The following SRGAP1 variants were observed in gnomAD, a reference collection of about 807,000 sequenced individuals.
SRGAP1 encodes SLIT-ROBO Rho GTPase activating protein 1.
In SRGAP1, 43 loss-of-function variants were observed where a neutral mutation model predicts 121.9. That is an observed-to-expected ratio of 0.35 (90% CI 0.28 to 0.46). SRGAP1 has a LOEUF of 0.46. Among genes scored for constraint, SRGAP1 ranks in the 20% least tolerant of loss-of-function variants. The pLI is 1.00. For missense variants in SRGAP1, 1,102 were observed against 1,350.9 expected, an observed-to-expected ratio of 0.82 and a Z score of 2.89; for synonymous variants, 447 against 485.4, an observed-to-expected ratio of 0.92 and a Z score of 1.04.
chr12:63,949,359 T>C (rs1347512261), intron 1 of SRGAP1, among the ~76,000 whole-genome samples: 2 of 146,590 alleles, frequency 1.4e-5, no homozygotes, highest in East Asian at 2.0e-4. Context: ...TGTTGGTCTT[T>C]GAAAAACTTG....
Position 64,097,261 on chromosome 12 carries a change from G to A in SRGAP1, c.1699G>A (p.Asp567Asn), listed in dbSNP as rs762115143. Residue 567 changes from aspartate to asparagine, a missense_variant, in exon 15 of 22, where the codon GAC becomes AAC. Asp to Asn is a conservative substitution (Grantham distance 23, BLOSUM62 1). This residue lies in a region of SRGAP1 where 747 missense variants were observed against 929.4 expected (regional missense o/e 0.80). Coordinates refer to ENST00000355086, the MANE Select transcript of SRGAP1 (RefSeq NM_020762.4). ...FERGENPLAD[D>N]QSNHDINSVA... ...TTTAGGTGAAAATCCTTTGGCTGAT[G>A]ACCAGAGTAACCATGATATTAACTC... 3.1e-6 allele frequency: 5 copies of A among 1,588,434 alleles called. No homozygotes were observed. The highest frequency in any genetic ancestry group is 1.8e-5 in the Admixed American group (1 of 55,816).
At chr12:63,936,555 C>T (rs1057435079) in intron 1 of SRGAP1, among the ~76,000 whole-genome samples, 4 of 152,068 alleles carry the variant, frequency 2.6e-5, no homozygotes, top group East Asian at 1.9e-4. Context: ...ATATGACACC[C>T]GGAGCTGCTG....
intron 1 of SRGAP1, among the ~76,000 whole-genome samples, chr12:63,935,367 C>T (rs983538455): frequency 6.6e-6 from 1 of 151,952 alleles, no homozygotes; most frequent in African/African-American, 2.4e-5. Flanking sequence ...CTATTTTTTT[C>T]AAATAACCAC....
At chr12:63,972,655 A>G (rs2032989458) in intron 1 of SRGAP1, among the ~76,000 whole-genome samples, 1 of 152,206 alleles carries the variant, frequency 6.6e-6, no homozygotes, top group African/African-American at 2.4e-5. Context: ...AGGATCTTAT[A>G]ATACATTATA....
At chr12:64,131,641 G>A (rs1030349105) in intron 21 of SRGAP1, among the ~76,000 whole-genome samples, 18 of 152,344 alleles carry the variant, frequency 1.2e-4, no homozygotes, top group African/African-American at 4.3e-4. Context: ...AGTGCAGCCT[G>A]GGCATTTGAG....
Position 63,844,924 on chromosome 12 carries a change from T to A in SRGAP1, c.67+41T>A, listed in dbSNP as rs747515272. On this transcript the variant is annotated intron_variant, in intron 1 of 21. Coordinates refer to ENST00000355086, the MANE Select transcript of SRGAP1 (RefSeq NM_020762.4). The surrounding 1 kb of genome is among the most constrained non-coding windows in gnomAD (Gnocchi z 4.3). ...GCTGCCTTGCTCCTTTTGTGTGCCT[T>A]CTTGTCATTGTGCTCGTGGAGTTGC... 1 of 1,582,010 alleles carries A rather than the reference T, an allele frequency of 6.3e-7. No individual in the cohort carries two copies. The highest frequency in any genetic ancestry group is 8.7e-7 in the Non-Finnish European group (1 of 1,150,726).
intron 3 of SRGAP1, among the ~76,000 whole-genome samples, chr12:64,003,671 A>T (rs768373169): frequency 2.0e-4 from 31 of 151,940 alleles, no homozygotes; most frequent in East Asian, 5.8e-4. Flanking sequence ...AAAATATTTT[A>T]AAAAAAATGA....
At chr12:63,940,499 G>C (rs989691107) in intron 1 of SRGAP1, among the ~76,000 whole-genome samples, 1 of 152,014 alleles carries the variant, frequency 6.6e-6, no homozygotes, top group Admixed American at 6.6e-5. Flanking sequence ...GGGGGTGGGG[G>C]TTTGCTGTCT....
chr12:64,154,887 C>T lies in SRGAP1; in HGVS notation c.*12215C>T, dbSNP rs549657329. 5.3e-3 allele frequency: 807 copies of T among 152,772 alleles called. 19 individuals are homozygous for T. Among genetic ancestry groups the T allele is most frequent in the Non-Finnish European group, 3.2e-3 (218 of 68,508 alleles). The allele number at this position is 152,772 out of a possible 1,614,324, so 9.5% of individuals were successfully genotyped here. ...TGGAGTGAGGAGCTGGCAGAGGAGA[C>T]AGAAGGAGCAGCCAGGGCGGAGGAG... On this transcript the variant is annotated 3_prime_UTR_variant, in exon 22 of 22. Transcript: ENST00000355086.
chr12:64,031,759 C>T (rs1032053766), intron 4 of SRGAP1, among the ~76,000 whole-genome samples: 7 of 152,170 alleles, frequency 4.6e-5, no homozygotes, highest in Non-Finnish European at 8.8e-5. Flanking sequence ...TCTATGATCA[C>T]GCCTCTACTT....
chr12:63,889,094 C>T (rs549902677), intron 1 of SRGAP1, among the ~76,000 whole-genome samples: 2 of 152,274 alleles, frequency 1.3e-5, no homozygotes, highest in African/African-American at 4.8e-5. Context: ...CATGCTGTTC[C>T]CTCTCCCTGG....
chr12:64,046,413 A>G (rs2035130898), intron 6 of SRGAP1, among the ~76,000 whole-genome samples: 1 of 152,192 alleles, frequency 6.6e-6, no homozygotes, highest in African/African-American at 2.4e-5. Flanking sequence ...GACACGAGTG[A>G]AAACAGGGAG....
intron 17 of SRGAP1, among the ~76,000 whole-genome samples, chr12:64,112,621 A>G (rs1040682113): frequency 1.3e-5 from 2 of 151,872 alleles, no homozygotes; most frequent in African/African-American, 4.8e-5. Context: ...AATTTCTTTA[A>G]TCCATTCATT....
rs910175773 is a variant in SRGAP1 at position 63,883,496 on chromosome 12, T to C, written c.67+38613T>C. On this transcript the variant is annotated intron_variant, in intron 1 of 21. Transcript: ENST00000355086. ...CGCCTTCCTAAATTAAAAAAGAAAA[T>C]TAAATATTGACATTTTGCATATACA... Among the ~76,000 whole-genome samples, 2 of 152,048 alleles carry C rather than the reference T, an allele frequency of 1.3e-5. 1 individual carries two copies. The highest frequency in any genetic ancestry group is 4.1e-4 in the South Asian group (2 of 4,820).
intron 3 of SRGAP1, among the ~76,000 whole-genome samples, chr12:64,006,391 G>A (rs1400072954): frequency 6.6e-6 from 1 of 152,184 alleles, no homozygotes; most frequent in Non-Finnish European, 1.5e-5. Context: ...TTACCCAGCT[G>A]GCTGGTGTTA....
At chr12:63,925,922 A>G (rs1227534808) in intron 1 of SRGAP1, among the ~76,000 whole-genome samples, 11 of 152,142 alleles carry the variant, frequency 7.2e-5, no homozygotes, top group Non-Finnish European at 1.5e-5. Context: ...TTGTTCTTTA[A>G]TTCACACTGT....
At chr12:64,140,572 A>G (rs2036940454) in intron 21 of SRGAP1, among the ~76,000 whole-genome samples, 1 of 152,048 alleles carries the variant, frequency 6.6e-6, no homozygotes, top group South Asian at 2.1e-4. Context: ...CTACAATGAG[A>G]TACCATCTCA....
At chr12:64,141,917 G>A (rs1042161054) in intron 21 of SRGAP1, among the ~76,000 whole-genome samples, 2 of 152,158 alleles carry the variant, frequency 1.3e-5, no homozygotes, top group African/African-American at 4.8e-5. Context: ...TATGAGGCCA[G>A]GAGGTCGAGG....
chr12:64,037,152 G>C (rs1174611349), intron 4 of SRGAP1, among the ~76,000 whole-genome samples: 1 of 152,200 alleles, frequency 6.6e-6, no homozygotes, highest in African/African-American at 2.4e-5. Context: ...GGTGCTGGGG[G>C]ACAGCAGCTC....
Sources: allele counts gnomAD v4.1 joint callset (sites outside exome capture counted in the v4.1 genomes callset), GRCh38; gene constraint gnomAD v4.1.1; regional missense constraint gnomAD v4.1.1; non-coding constraint Gnocchi (gnomAD v3.1); transcripts MANE v1.5; gene names NCBI Gene and HGNC (gene_info 2026-07-23, HGNC 2026-07-21).